The following SMC5 variants were observed in gnomAD, a reference collection of about 807,000 sequenced individuals.
The protein encoded by SMC5 is structural maintenance of chromosomes protein 5.
In SMC5, 88 loss-of-function variants were observed where a neutral mutation model predicts 148.3. The observed-to-expected ratio is 0.59, with a 90% CI of 0.50 to 0.71. The LOEUF (loss-of-function observed/expected upper bound fraction) is 0.71. Among genes scored for constraint, SMC5 ranks in the 30% least tolerant of loss-of-function variants. The pLI is 0.00. For synonymous variants in SMC5, 421 were observed against 432.8 expected (o/e 0.97, Z 0.34); for missense variants, 1,142 against 1,298.9 (o/e 0.88, Z 1.86).
chr9:70,284,010 C>T (rs966388034), intron 7 of SMC5, among the ~76,000 whole-genome samples: 2 of 152,100 alleles, frequency 1.3e-5, no homozygotes, highest in Non-Finnish European at 2.9e-5. Context: ...TTTTAGGCAC[C>T]TGAAAGTCAG....
At chr9:70,339,779 C>G (rs1446531950) in intron 17 of SMC5, among the ~76,000 whole-genome samples, 1 of 152,092 alleles carries the variant, frequency 6.6e-6, no homozygotes, top group Non-Finnish European at 1.5e-5. Context: ...GAGTTTGATA[C>G]TTTCTCAGAT....
Position 70,280,926 on chromosome 9 carries a change from T to C in SMC5, c.819+27T>C, listed in dbSNP as rs751967220. On this transcript the variant is annotated intron_variant, in intron 6 of 24. Coordinates refer to ENST00000361138, the MANE Select transcript of SMC5 (RefSeq NM_015110.4). ...TAAGTCATAATTTTTAGAGGCAAAGTACGTGTTTCTTTAAGTAGCAGAGTA... is the reference window on the plus strand; with the variant it reads ...TAAGTCATAATTTTTAGAGGCAAAGCACGTGTTTCTTTAAGTAGCAGAGTA... The C allele has an allele frequency of 1.9e-6, 3 of 1,611,790 alleles. No individual in the cohort carries two copies. In the Admixed American group the frequency reaches 5.0e-5, roughly 27 times the overall value.
chr9:70,288,529 C>A (rs1176196388), intron 8 of SMC5, among the ~76,000 whole-genome samples: 1 of 151,814 alleles, frequency 6.6e-6, no homozygotes, highest in Non-Finnish European at 1.5e-5. Flanking sequence ...TTTTAACGTT[C>A]TTGAATTGTA....
chr9:70,323,411 G>T, intron 15 of SMC5, 72 bp from the exon 16 acceptor site: 1 of 1,447,966 alleles, frequency 6.9e-7, no homozygotes, highest in Non-Finnish European at 9.2e-7. Context: ...AGAAAACTGG[G>T]GGGGACCTAA....
intron 17 of SMC5, among the ~76,000 whole-genome samples, chr9:70,333,242 C>T (rs192234338): frequency 2.4e-4 from 37 of 152,274 alleles, no homozygotes; most frequent in South Asian, 4.1e-4. Flanking sequence ...TTCATTGCGG[C>T]CCCACCTACA....
chr9:70,260,647 A>G (rs1303373594), intron 1 of SMC5, among the ~76,000 whole-genome samples: 1 of 152,210 alleles, frequency 6.6e-6, no homozygotes, highest in Non-Finnish European at 1.5e-5. Flanking sequence ...GGAAAGATAA[A>G]TGTAATCAAA....
intron 1 of SMC5, among the ~76,000 whole-genome samples, chr9:70,259,755 CACTT>C (rs1266177814): frequency 6.6e-6 from 1 of 152,096 alleles, no homozygotes; most frequent in Non-Finnish European, 1.5e-5. Flanking sequence ...AAAAATTAAA[CACTT>C]ACTGGCAATT....
chr9:70,284,417 G>A (rs910957710), intron 7 of SMC5, among the ~76,000 whole-genome samples: 1 of 152,136 alleles, frequency 6.6e-6, no homozygotes, highest in Non-Finnish European at 1.5e-5. Flanking sequence ...ACTTCCTCAA[G>A]GATATGAAAC....
At chr9:70,276,125 C>T (rs1282196665) in intron 3 of SMC5, among the ~76,000 whole-genome samples, 2 of 152,178 alleles carry the variant, frequency 1.3e-5, no homozygotes, top group African/African-American at 4.8e-5. Flanking sequence ...AATTCAGAAT[C>T]ACAATGTACA....
chr9:70,288,909 C>T (rs923567212), intron 8 of SMC5, among the ~76,000 whole-genome samples: 1 of 152,060 alleles, frequency 6.6e-6, no homozygotes, highest in Non-Finnish European at 1.5e-5. Context: ...AAAGAATGTG[C>T]ATTCTGTCTT....
At chr9:70,311,983 C>G (rs1293465842) in intron 11 of SMC5, 1 of 152,040 alleles carries the variant, frequency 6.6e-6, no homozygotes, top group Admixed American at 6.6e-5. Flanking sequence ...ATTAGCCTAG[C>G]ATGGTGGCGG....
intron 15 of SMC5, 51 bp downstream of exon 15, chr9:70,319,014 A>T (rs1247331928): frequency 6.8e-7 from 1 of 1,460,392 alleles, no homozygotes. Flanking sequence ...GTATGGGAGA[A>T]TATTAATTAT....
At chr9:70,337,332 G>C (rs1293667812) in intron 17 of SMC5, among the ~76,000 whole-genome samples, 1 of 152,144 alleles carries the variant, frequency 6.6e-6, no homozygotes, top group African/African-American at 2.4e-5. Flanking sequence ...ACCTGACACA[G>C]TGAGAGATAC....
intron 8 of SMC5, among the ~76,000 whole-genome samples, chr9:70,294,899 A>T (rs753769608): frequency 5.3e-5 from 8 of 152,202 alleles, no homozygotes; most frequent in Non-Finnish European, 1.0e-4. Flanking sequence ...CAGATGCCAC[A>T]GTCATCCCTG....
chr9:70,281,013 T>C lies in SMC5; in HGVS notation c.819+114T>C, dbSNP rs1276390893. 2.5e-6 allele frequency: 3 copies of C among 1,192,870 alleles called. No individual in the cohort carries two copies. In the African/African-American group the frequency reaches 4.7e-5, roughly 19 times the overall value. 73.9% of individuals were successfully genotyped at this position (1,192,870 alleles called of 1,614,324 possible). On this transcript the variant is annotated intron_variant, in intron 6 of 24. Transcript: ENST00000361138. ...TAGGTGCTTCTTTTTCATTTTTGGC[T>C]TTATATGTTATACATAATAAAATTC... is the stretch of plus-strand genomic sequence containing the variant.
rs767844726 is a variant in SMC5 at position 70,352,372 on chromosome 9, A to G, written c.*41A>G. 6.4e-7 allele frequency: 1 copy of G among 1,557,724 alleles called. No individual in the cohort carries two copies. Among genetic ancestry groups the G allele is most frequent in the Non-Finnish European group, 8.7e-7 (1 of 1,153,614 alleles). On this transcript the variant is annotated 3_prime_UTR_variant, in exon 25 of 25. Coordinates refer to ENST00000361138, the MANE Select transcript of SMC5 (RefSeq NM_015110.4). ...GGAACTTGGGAATTTTTTTTGTTAA[A>G]TTCTGTTTATAAGTATGGCTCAACT...
chr9:70,308,661 C>T (rs943107376), intron 11 of SMC5, among the ~76,000 whole-genome samples: 6 of 150,722 alleles, frequency 4.0e-5, no homozygotes, highest in Non-Finnish European at 5.9e-5. Context: ...TCTATCCCAC[C>T]GTGCCTCTAT....
chr9:70,291,752 A>G (rs1288425983), intron 8 of SMC5, among the ~76,000 whole-genome samples: 1 of 152,228 alleles, frequency 6.6e-6, no homozygotes, highest in African/African-American at 2.4e-5. Flanking sequence ...CAAGCCTTAT[A>G]CAACTAAGTT....
intron 6 of SMC5, 64 bp downstream of exon 6, chr9:70,280,963 A>G: frequency 6.4e-7 from 1 of 1,559,300 alleles, no homozygotes; most frequent in Non-Finnish European, 8.8e-7. Flanking sequence ...TTATGATGAA[A>G]GTATTAGTTA....
Sources: gnomAD v4.1 joint callset for allele counts (sites outside exome capture counted in the v4.1 genomes callset) on GRCh38, gnomAD v4.1.1 for gene constraint, MANE v1.5 for transcripts, NCBI Gene and HGNC (gene_info 2026-07-23, HGNC 2026-07-21) for gene names.